PRKG1: variants seen among roughly 807,000 people sequenced by gnomAD.
The protein encoded by PRKG1 is cGMP-dependent protein kinase 1.
In PRKG1, 35 loss-of-function variants were observed where a neutral mutation model predicts 88.1. That is an observed-to-expected ratio of 0.40 (90% CI 0.30 to 0.53). PRKG1 has a LOEUF of 0.53. Among genes scored for constraint, PRKG1 ranks in the 20% least tolerant of loss-of-function variants. PRKG1 has a pLI of 0.59. For missense variants in PRKG1, 540 were observed against 839.8 expected (o/e 0.64, Z 4.41); for synonymous variants, 303 against 292.5 (o/e 1.04, Z -0.37).
chr10:51,211,585 A>G (rs1371301897), intron 2 of PRKG1, among the ~76,000 whole-genome samples: 1 of 152,172 alleles, frequency 6.6e-6, no homozygotes, highest in Non-Finnish European at 1.5e-5. Flanking sequence ...TCAGCCTAAA[A>G]TCTCCTTAAG....
At chr10:51,875,385 A>T (rs981989201) in intron 4 of PRKG1, among the ~76,000 whole-genome samples, 11 of 143,744 alleles carry the variant, frequency 7.7e-5, no homozygotes, top group African/African-American at 1.1e-4. Flanking sequence ...TAATTGTTTT[A>T]AAAAAAAAAC....
At chr10:51,919,785 T>C (rs1449909048) in intron 5 of PRKG1, among the ~76,000 whole-genome samples, 2 of 152,146 alleles carry the variant, frequency 1.3e-5, no homozygotes, top group Non-Finnish European at 1.5e-5. Context: ...TGATCCTATA[T>C]TGCCTGGAAC....
At chr10:51,961,246 C>T (rs1389949736) in intron 5 of PRKG1, among the ~76,000 whole-genome samples, 2 of 152,074 alleles carry the variant, frequency 1.3e-5, no homozygotes, top group African/African-American at 2.4e-5. Context: ...GCTCAAGTCC[C>T]ACAGTGGGTT....
chr10:51,737,715 T>C (rs1365217578), intron 3 of PRKG1, among the ~76,000 whole-genome samples: 2 of 112,406 alleles, frequency 1.8e-5, no homozygotes, highest in African/African-American at 8.0e-5. Context: ...TTTTATTTAT[T>C]TATTTATTTA....
intron 3 of PRKG1, among the ~76,000 whole-genome samples, chr10:51,654,436 T>C (rs186391286): frequency 6.6e-6 from 1 of 152,314 alleles, no homozygotes; most frequent in East Asian, 1.9e-4. Context: ...AGCTTCGTCA[T>C]GTATCTTCAA....
chr10:51,510,006 C>T (rs544448586), intron 3 of PRKG1, among the ~76,000 whole-genome samples: 2 of 152,226 alleles, frequency 1.3e-5, no homozygotes, highest in South Asian at 2.1e-4. Flanking sequence ...ATGCAGGAAG[C>T]ATTTAATATG....
chr10:51,373,698 C>T (rs374801218), intron 2 of PRKG1, among the ~76,000 whole-genome samples: 8 of 152,080 alleles, frequency 5.3e-5, no homozygotes, highest in African/African-American at 1.9e-4. Flanking sequence ...ATACACACCA[C>T]AGAATACTAT....
intron 5 of PRKG1, among the ~76,000 whole-genome samples, chr10:51,989,481 A>G (rs921131043): frequency 9.9e-5 from 15 of 152,052 alleles, no homozygotes; most frequent in African/African-American, 3.6e-4. Flanking sequence ...TCCAGTATAG[A>G]GACAGTCCCT....
intron 9 of PRKG1, among the ~76,000 whole-genome samples, chr10:52,191,672 A>G (rs1839367611): frequency 1.3e-5 from 2 of 152,188 alleles, no homozygotes; most frequent in Admixed American, 1.3e-4. Flanking sequence ...GATTATAATA[A>G]AAGGCCAATA....
At chr10:51,498,038 A>C (rs1388221452) in intron 3 of PRKG1, among the ~76,000 whole-genome samples, 1 of 152,144 alleles carries the variant, frequency 6.6e-6, no homozygotes, top group Non-Finnish European at 1.5e-5. Context: ...TCTGAACCTC[A>C]AGGAGTGCTT....
At chr10:51,583,874 T>A (rs556157251) in intron 3 of PRKG1, among the ~76,000 whole-genome samples, 3 of 152,226 alleles carry the variant, frequency 2.0e-5, no homozygotes, top group Non-Finnish European at 2.9e-5. Flanking sequence ...TGGCATATAG[T>A]ATAACACGGG....
intron 2 of PRKG1, among the ~76,000 whole-genome samples, chr10:51,253,834 T>A (rs1839487292): frequency 6.6e-6 from 1 of 151,974 alleles, no homozygotes; most frequent in Non-Finnish European, 1.5e-5. Context: ...GGAACGTAGA[T>A]CTTATACTAT....
chr10:51,087,287 TTGATGATGATGATGA>T (rs60114266), intron 1 of PRKG1, among the ~76,000 whole-genome samples: 2 of 151,470 alleles, frequency 1.3e-5, no homozygotes, highest in Non-Finnish European at 2.9e-5. Flanking sequence ...TGGTCAATTA[TTGATGATGATGATGA>T]TGATGATGAT....
chr10:52,050,682 T>C (rs1028791298), intron 5 of PRKG1, among the ~76,000 whole-genome samples: 5 of 152,178 alleles, frequency 3.3e-5, no homozygotes, highest in African/African-American at 1.2e-4. Context: ...TCATGCAACA[T>C]GGACATATGT....
At chr10:52,173,575 G>T (rs2132714113) in intron 9 of PRKG1, among the ~76,000 whole-genome samples, 1 of 152,270 alleles carries the variant, frequency 6.6e-6, no homozygotes. Context: ...AGGAAGATGA[G>T]ATGTAGAAGT....
At chr10:51,016,678 T>TC (rs1843069402) in intron 1 of PRKG1, among the ~76,000 whole-genome samples, 1 of 103,064 alleles carries the variant, frequency 9.7e-6, no homozygotes, top group African/African-American at 4.1e-5. Context: ...CCTTTCTTTT[T>TC]TTTTTTTTTT....
intron 2 of PRKG1, among the ~76,000 whole-genome samples, chr10:51,455,406 C>T (rs754450646): frequency 1.1e-4 from 16 of 152,214 alleles, no homozygotes; most frequent in Non-Finnish European, 2.2e-4. Flanking sequence ...CAAATTTCTG[C>T]GGCCAGCTTG....
At chr10:51,381,415 C>T (rs1014998278) in intron 2 of PRKG1, among the ~76,000 whole-genome samples, 2 of 151,012 alleles carry the variant, frequency 1.3e-5, no homozygotes, top group African/African-American at 2.4e-5. Context: ...GGAGGTAAAA[C>T]CAGTCATCAT....
At chr10:52,267,484 A>G (rs1264620253) in intron 10 of PRKG1, among the ~76,000 whole-genome samples, 1 of 152,076 alleles carries the variant, frequency 6.6e-6, no homozygotes, top group African/African-American at 2.4e-5. Flanking sequence ...CTCATTGTAA[A>G]AGCAAGGTAT....
Sources: allele counts gnomAD v4.1 joint callset (sites outside exome capture counted in the v4.1 genomes callset), GRCh38; gene constraint gnomAD v4.1.1; transcripts MANE v1.5; gene names NCBI Gene and HGNC (gene_info 2026-07-23, HGNC 2026-07-21).